Variants in CRACR2A observed in about 807,000 individuals in gnomAD.
CRACR2A encodes calcium release activated channel regulator 2A.
CRACR2A carries 79 observed loss-of-function variants against 90.5 expected under a neutral mutation model. That is an observed-to-expected ratio of 0.87 (90% confidence interval 0.73 to 1.05). CRACR2A has a LOEUF of 1.05. CRACR2A is among the 50% of genes least tolerant of loss of function. The pLI, the probability that CRACR2A is intolerant of heterozygous loss-of-function variation, is 0.00. For missense variants in CRACR2A, 823 were observed against 897.2 expected (o/e 0.92, Z 1.06); for synonymous variants, 338 against 356.7 (o/e 0.95, Z 0.59).
intron 15 of CRACR2A, among the ~76,000 whole-genome samples, chr12:3,632,931 C>T (rs1158391448): frequency 6.6e-6 from 1 of 152,214 alleles, no homozygotes; most frequent in Non-Finnish European, 1.5e-5. Flanking sequence ...CCTTGGGTCT[C>T]ACCACATATT....
In CRACR2A at chr12:3,711,585, A is replaced by G. The variant is rs1394913879; in HGVS notation, c.-37+1652T>C. 1.8e-4 allele frequency among the ~76,000 whole-genome samples: 28 copies of G among 152,134 alleles called. No homozygotes were observed. The highest frequency in any genetic ancestry group is 1.8e-3 in the Admixed American group (28 of 15,276). On this transcript the variant is annotated intron_variant, in intron 3 of 19. Coordinates refer to ENST00000440314, the MANE Select transcript of CRACR2A (RefSeq NM_001144958.2). This position sits in a 1 kb window ranked among gnomAD's most constrained non-coding sequence, Gnocchi z 4.3. ...TTATCATCCATATTCCCACCAGTGT[A>G]CTGTTCAGGATGACTTACATCTTCT...
chr12:3,752,312 A>G (rs1446330341), intron 1 of CRACR2A, among the ~76,000 whole-genome samples: 3 of 151,822 alleles, frequency 2.0e-5, no homozygotes, highest in Non-Finnish European at 4.4e-5. Flanking sequence ...GCATGGGTGC[A>G]CAGACACACA....
chr12:3,681,684 G>A (rs181544805), intron 4 of CRACR2A, among the ~76,000 whole-genome samples: 2 of 152,198 alleles, frequency 1.3e-5, no homozygotes, highest in Non-Finnish European at 2.9e-5. Context: ...CAATGAATGC[G>A]GGGCTTTGTA....
intron 1 of CRACR2A, among the ~76,000 whole-genome samples, chr12:3,736,642 A>C (rs73247890): frequency 0.14 from 21,945 of 152,118 alleles, 1,728 homozygotes; most frequent in Middle Eastern, 0.17. Flanking sequence ...GAGGGCTGGA[A>C]TCATGCAGGA....
rs1006348625 is a variant in CRACR2A, at chr12:3,746,352, GCTCTCTCTCTCTCTCTCTCTCCCCAT to G, written c.-387+6637_-387+6662del. Reference sequence around the variant, plus strand: ...GCCCATCATGAAGAGACACCAGAGAGCTCTCTCTCTCTCTCTCTCTCCCCATCTCTCTCTCCTCCCTCTTCCCCACC... The same window carrying G: ...GCCCATCATGAAGAGACACCAGAGAGCTCTCTCTCCTCCCTCTTCCCCACC... On this transcript the variant is annotated intron_variant, in intron 1 of 19. Coordinates refer to ENST00000440314, the MANE Select transcript of CRACR2A (RefSeq NM_001144958.2). The surrounding 1 kb of genome is among the most constrained non-coding windows in gnomAD (Gnocchi z 4.4). Among the ~76,000 whole-genome samples the G allele has an allele frequency of 4.1e-5, 6 of 147,138 alleles. No individual in the cohort carries two copies. The highest frequency in any genetic ancestry group is 9.1e-5 in the Non-Finnish European group (6 of 66,250).
chr12:3,635,272 C>T (rs1298135291), intron 14 of CRACR2A, among the ~76,000 whole-genome samples: 2 of 152,178 alleles, frequency 1.3e-5, no homozygotes, highest in Admixed American at 1.3e-4. Flanking sequence ...CCACCTGCCA[C>T]AGGACAATAA....
chr12:3,718,274 CA>C (rs1206611670), intron 2 of CRACR2A, among the ~76,000 whole-genome samples: 1 of 152,202 alleles, frequency 6.6e-6, no homozygotes, highest in African/African-American at 2.4e-5. Flanking sequence ...GGTCAGGACC[CA>C]GGGGCGTGGG....
chr12:3,649,476 C>T (rs1023898986), intron 10 of CRACR2A, among the ~76,000 whole-genome samples: 12 of 152,188 alleles, frequency 7.9e-5, no homozygotes, highest in African/African-American at 2.9e-4. Flanking sequence ...CTCCCAAAGT[C>T]TCCAGATATC....
intron 3 of CRACR2A, among the ~76,000 whole-genome samples, chr12:3,705,656 C>G (rs759242951): frequency 1.3e-5 from 2 of 152,150 alleles, no homozygotes; most frequent in Non-Finnish European, 2.9e-5. Flanking sequence ...GCTGGCGATG[C>G]CTGATAAAGG....
chr12:3,639,772 T>C (rs1944529713), intron 13 of CRACR2A, among the ~76,000 whole-genome samples: 1 of 152,220 alleles, frequency 6.6e-6, no homozygotes, highest in Non-Finnish European at 1.5e-5. Context: ...GATTCCTTGA[T>C]ATGAAAAATA....
Position 3,619,309 on chromosome 12 carries a change from G to C in CRACR2A, c.1996C>G (p.Arg666Gly). Reference protein sequence around the residue: ...LGNKLDNEKEREVPRGLGEQL... With the variant: ...LGNKLDNEKEGEVPRGLGEQL... ...TCTCCGAGGCCCCGGGGGACTTCCC[G>C]CTCCTTCTCGTTGTCAAGCTTATTA... The change falls in exon 18 of 20, where the codon CGG becomes GGG. Residue 666 changes from arginine to glycine, a missense_variant. By Grantham distance (125) the Arg-to-Gly change is moderately radical (BLOSUM62 -2). Transcript: ENST00000440314. The C allele has an allele frequency of 6.4e-7, 1 of 1,551,614 alleles. No individual in the cohort carries two copies. The highest frequency in any genetic ancestry group is 8.7e-7 in the Non-Finnish European group (1 of 1,146,980).
chr12:3,709,788 T>A (rs1945981874), intron 3 of CRACR2A, among the ~76,000 whole-genome samples: 1 of 152,108 alleles, frequency 6.6e-6, no homozygotes, highest in South Asian at 2.1e-4. Flanking sequence ...AGAAAAAAAA[T>A]TAGAAAGTAA....
chr12:3,633,550 C>T lies in CRACR2A; in HGVS notation c.1735+54G>A, dbSNP rs1402683825. 5 of 1,549,038 alleles carry T rather than the reference C, an allele frequency of 3.2e-6. No individual in the cohort carries two copies. The African/African-American group carries it at 4.1e-5, about 13-fold the overall frequency. ...CTCCCTGCCCCGGGCCCCCTTCTCA[C>T]AAACTCCCTTCCCAAAGATGGGCCT... On this transcript the variant is annotated intron_variant, in intron 15 of 19. Coordinates refer to ENST00000440314, the MANE Select transcript of CRACR2A (RefSeq NM_001144958.2). This position sits in a 1 kb window ranked among gnomAD's most constrained non-coding sequence, Gnocchi z 4.5.
At chr12:3,737,901 A>G (rs747922992) in intron 1 of CRACR2A, among the ~76,000 whole-genome samples, 2 of 152,244 alleles carry the variant, frequency 1.3e-5, no homozygotes, top group East Asian at 3.9e-4. Flanking sequence ...GGAGCCTCTC[A>G]TCGATAAAAT....
Position 3,638,327 on chromosome 12 carries a change from G to GC in CRACR2A, c.1398dup (p.Pro467AlafsTer9), listed in dbSNP as rs1252223542. ...TCAACGGAGATGATTCTGCGGAGCGGCCGGGGGTACGGACCCCCAGGCCCT... is the reference window on the plus strand; with the variant it reads ...TCAACGGAGATGATTCTGCGGAGCGGCCCGGGGGTACGGACCCCCAGGCCCT... On this transcript the variant is annotated frameshift_variant, in exon 14 of 20. Transcript: ENST00000440314. LOFTEE classifies it high-confidence loss of function. 8.4e-6 allele frequency: 13 copies of GC among 1,551,130 alleles called. No homozygotes were observed. The African/African-American group carries it at 1.8e-4, about 21-fold the overall frequency.
chr12:3,633,732 T>C lies in CRACR2A; in HGVS notation c.1607A>G (p.Glu536Gly), dbSNP rs1944414271. Residue 536 changes from glutamate to glycine, a missense_variant, in exon 15 of 20, where the codon GAA becomes GGA. By Grantham distance (98) the Glu-to-Gly change is moderately conservative. Transcript: ENST00000440314. The surrounding 1 kb of genome is among the most constrained non-coding windows in gnomAD (Gnocchi z 4.5). ...PVGKEALCKE[E>G]SSPSAPDRLF... The stretch of plus-strand genomic sequence containing the variant: ...CCGGTCAGGGGCAGAGGGAGAGCTT[T>C]CCTCCTGTGGATGGCACACAATCTG... 3 of 1,551,504 alleles carry C rather than the reference T, an allele frequency of 1.9e-6. No homozygotes were observed.
At chr12:3,652,860 C>T (rs1944818801) in intron 10 of CRACR2A, among the ~76,000 whole-genome samples, 1 of 152,202 alleles carries the variant, frequency 6.6e-6, no homozygotes, top group African/African-American at 2.4e-5. Flanking sequence ...ATATTTTCTG[C>T]AGGCTTGTTA....
intron 7 of CRACR2A, among the ~76,000 whole-genome samples, chr12:3,670,723 A>C (rs1160080529): frequency 6.6e-6 from 1 of 152,224 alleles, no homozygotes; most frequent in Non-Finnish European, 1.5e-5. Flanking sequence ...GCCTGAGGTT[A>C]CACAGCTGGT....
At chr12:3,627,748 G>A in intron 15 of CRACR2A, 42 bp from the exon 16 acceptor site, 3 of 1,528,852 alleles carry the variant, frequency 2.0e-6, no homozygotes, top group Non-Finnish European at 2.7e-6. Flanking sequence ...CCTGGGCCAG[G>A]GGCACCTCAC....
Sources: gnomAD v4.1 joint callset for allele counts (sites outside exome capture counted in the v4.1 genomes callset) on GRCh38, gnomAD v4.1.1 for gene constraint, Gnocchi (gnomAD v3.1) non-coding constraint, MANE v1.5 for transcripts, NCBI Gene and HGNC (gene_info 2026-07-23, HGNC 2026-07-21) for gene names.